The following GRM3 variants were observed in gnomAD, a reference collection of about 807,000 sequenced individuals.
The protein encoded by GRM3 is glutamate metabotropic receptor 3, also known as metabotropic glutamate receptor 3.
In GRM3, 26 loss-of-function variants were observed where a neutral mutation model predicts 70.5. The observed-to-expected ratio is 0.37, with a 90% CI of 0.27 to 0.51. GRM3 has a LOEUF of 0.51. Ranked by LOEUF, GRM3 falls within the 20% of genes least tolerant of loss-of-function variation. GRM3 has a pLI of 0.93. For synonymous variants in GRM3, 443 were observed against 434.9 expected (o/e 1.02, Z -0.23); for missense variants, 859 against 1,123.8 (o/e 0.76, Z 3.37).
At chr7:86,856,083 T>A (rs1798839958) in intron 5 of GRM3, among the ~76,000 whole-genome samples, 2 of 152,156 alleles carry the variant, frequency 1.3e-5, no homozygotes, top group Admixed American at 1.3e-4. Flanking sequence ...GCCAGCTGCT[T>A]TCATGGAGAA....
rs552674882 is a variant in GRM3 at position 86,780,621 on chromosome 7, G to A, written c.469-5640G>A. ...TTGCATGCCGCCTCTCAGGCCCTAGGAACTAATGGGTTCTGCTATAAGGCC... is the reference window on the plus strand; with the variant it reads ...TTGCATGCCGCCTCTCAGGCCCTAGAAACTAATGGGTTCTGCTATAAGGCC... On this transcript the variant is annotated intron_variant, in intron 2 of 5. Transcript: ENST00000361669. Among the ~76,000 whole-genome samples the A allele has an allele frequency of 9.4e-4, 143 of 152,260 alleles. 1 individual carries two copies. Among genetic ancestry groups the A allele is most frequent in the African/African-American group, 2.9e-3 (122 of 41,564 alleles).
chr7:86,769,943 T>C (rs183252938), intron 2 of GRM3, among the ~76,000 whole-genome samples: 174 of 152,298 alleles, frequency 1.1e-3, no homozygotes, highest in Admixed American at 1.4e-3. Flanking sequence ...CACTTCTCCA[T>C]AAGCCTGCAA....
intron 4 of GRM3, among the ~76,000 whole-genome samples, chr7:86,847,987 G>T (rs1798687786): frequency 6.6e-6 from 1 of 152,082 alleles, no homozygotes; most frequent in African/African-American, 2.4e-5. Flanking sequence ...ATTTAGCAAG[G>T]GTAATCATCC....
chr7:86,708,129 C>G (rs1562833062), intron 1 of GRM3, among the ~76,000 whole-genome samples: 1 of 152,262 alleles, frequency 6.6e-6, no homozygotes, highest in East Asian at 1.9e-4. Context: ...AACTATGGCA[C>G]TGTGTGGTTT....
intron 5 of GRM3, among the ~76,000 whole-genome samples, chr7:86,858,758 C>T (rs533254389): frequency 1.0e-3 from 153 of 152,220 alleles, no homozygotes; most frequent in South Asian, 3.7e-3. Context: ...TTCCATAAAT[C>T]TTGTCTCACA....
intron 1 of GRM3, among the ~76,000 whole-genome samples, chr7:86,730,911 T>C (rs1365493950): frequency 6.6e-6 from 1 of 152,208 alleles, no homozygotes. Flanking sequence ...GGGTCAGCTA[T>C]CACTATGTCT....
intron 1 of GRM3, among the ~76,000 whole-genome samples, chr7:86,662,218 C>T (rs1453255802): frequency 6.6e-6 from 1 of 151,712 alleles, no homozygotes; most frequent in African/African-American, 2.4e-5. Flanking sequence ...ATTAACAGAA[C>T]CACAAATTAT....
At chr7:86,768,001 A>G (rs1562854812) in intron 2 of GRM3, among the ~76,000 whole-genome samples, 1 of 152,156 alleles carries the variant, frequency 6.6e-6, no homozygotes, top group Non-Finnish European at 1.5e-5. Flanking sequence ...CCATGAAGTC[A>G]CAAACATTGA....
At chr7:86,778,307 C>A (rs1282898933) in intron 2 of GRM3, among the ~76,000 whole-genome samples, 1 of 152,014 alleles carries the variant, frequency 6.6e-6, no homozygotes, top group African/African-American at 2.4e-5. Context: ...TATTATTGTT[C>A]CCTTTAATGT....
intron 1 of GRM3, among the ~76,000 whole-genome samples, chr7:86,703,332 G>C (rs975118220): frequency 1.3e-5 from 2 of 151,974 alleles, no homozygotes; most frequent in Non-Finnish European, 2.9e-5. Context: ...AACCTCCGCT[G>C]TATGAAATGT....
At chr7:86,793,629 A>ATT (rs1378871902) in intron 3 of GRM3, among the ~76,000 whole-genome samples, 1 of 152,138 alleles carries the variant, frequency 6.6e-6, no homozygotes, top group African/African-American at 2.4e-5. Context: ...GGGCACCACT[A>ATT]ATGTGGTCAC....
intron 3 of GRM3, among the ~76,000 whole-genome samples, chr7:86,823,692 TA>T: frequency 6.7e-6 from 1 of 149,916 alleles, no homozygotes; most frequent in Non-Finnish European, 1.5e-5. Context: ...TCCCGGGTTC[TA>T]AACATGTAAG....
At chr7:86,661,366 C>T (rs926164062) in intron 1 of GRM3, among the ~76,000 whole-genome samples, 3 of 151,954 alleles carry the variant, frequency 2.0e-5, no homozygotes, top group African/African-American at 2.4e-5. Flanking sequence ...GTACATCCAT[C>T]GATCCTTCCC....
At chr7:86,750,540 G>T (rs892684204) in intron 1 of GRM3, among the ~76,000 whole-genome samples, 3 of 151,950 alleles carry the variant, frequency 2.0e-5, no homozygotes, top group African/African-American at 7.2e-5. Flanking sequence ...AAAGAAATTG[G>T]GCCGTAAAAG....
intron 1 of GRM3, among the ~76,000 whole-genome samples, chr7:86,655,121 G>A (rs1385385384): frequency 6.6e-6 from 1 of 152,146 alleles, no homozygotes; most frequent in Non-Finnish European, 1.5e-5. Flanking sequence ...TTTCCAATCT[G>A]TCATCCTCAA....
intron 5 of GRM3, among the ~76,000 whole-genome samples, chr7:86,860,960 C>A (rs1798945618): frequency 6.6e-6 from 1 of 152,156 alleles, no homozygotes; most frequent in African/African-American, 2.4e-5. Flanking sequence ...GGCCTTAGTT[C>A]TCCTAGACTT....
Position 86,838,953 on chromosome 7 carries a change from A to C in GRM3, c.1439A>C (p.Tyr480Ser). 5 of 1,613,654 alleles carry C rather than the reference A, an allele frequency of 3.1e-6. No individual in the cohort carries two copies. Among genetic ancestry groups the C allele is most frequent in the Non-Finnish European group, 4.2e-6 (5 of 1,179,586 alleles). ...NFQNVGGKYS[Y>S]LKVGHWAETL... ...CAAAATGTAGGTGGAAAGTATTCCTACTTGAAAGTTGGTCACTGGGCAGAA... is the reference window on the plus strand; with the variant it reads ...CAAAATGTAGGTGGAAAGTATTCCTCCTTGAAAGTTGGTCACTGGGCAGAA... Residue 480 changes from tyrosine to serine, a missense_variant, in exon 4 of 6, where the codon TAC (tyrosine) becomes TCC (serine). Coordinates refer to ENST00000361669, the MANE Select transcript of GRM3 (RefSeq NM_000840.3).
In GRM3 at chr7:86,732,572, T is replaced by G. The variant is rs573147139; in HGVS notation, c.-140-32434T>G. Among the ~76,000 whole-genome samples, 10 of 152,322 alleles carry G rather than the reference T, an allele frequency of 6.6e-5. No homozygotes were observed. The South Asian group carries it at 2.1e-3, about 32-fold the overall frequency. On this transcript the variant is annotated intron_variant, in intron 1 of 5. Transcript: ENST00000361669. The stretch of plus-strand genomic sequence containing the variant: ...AATAACAGCTAATATTTTTGAGCAT[T>G]TACTATGTGGCAGGCAATGTTCCAA...
At chr7:86,860,396 G>A (rs1055270200) in intron 5 of GRM3, among the ~76,000 whole-genome samples, 31 of 152,098 alleles carry the variant, frequency 2.0e-4, no homozygotes, top group Non-Finnish European at 3.4e-4. Context: ...ATATTCAACA[G>A]CATGTGCAAA....
Sources: gnomAD v4.1 joint callset for allele counts (sites outside exome capture counted in the v4.1 genomes callset) on GRCh38, gnomAD v4.1.1 for gene constraint, MANE v1.5 for transcripts, NCBI Gene and HGNC (gene_info 2026-07-23, HGNC 2026-07-21) for gene names.